GLI3: variants seen among roughly 807,000 people sequenced by gnomAD.
GLI3 encodes GLI family zinc finger 3, also known as transcription activator GLI3.
In GLI3, 20 loss-of-function variants were observed where a neutral mutation model predicts 100.8. The ratio of observed to expected loss-of-function variants is 0.20; its 90% CI spans 0.14 to 0.29. GLI3 has a LOEUF of 0.29. Ranked by LOEUF, GLI3 falls within the 10% of genes least tolerant of loss-of-function variation. The pLI is 1.00. For synonymous variants in GLI3, 938 were observed against 860.5 expected, an observed-to-expected ratio of 1.09 and a Z score of -1.58; for missense variants, 2,040 against 2,128.5, an observed-to-expected ratio of 0.96 and a Z score of 0.82.
chr7:42,169,539 A>C (rs576319502), intron 2 of GLI3, among the ~76,000 whole-genome samples: 1 of 152,370 alleles, frequency 6.6e-6, no homozygotes, highest in African/African-American at 2.4e-5. Flanking sequence ...ACATATACAT[A>C]CACCAATTTG....
chr7:41,965,978 G>C lies in GLI3; in HGVS notation c.3095C>G (p.Pro1032Arg), dbSNP rs1366246170. Residue 1032 changes from proline to arginine, a missense_variant, in exon 15 of 15, where the codon CCC (proline) becomes CGC (arginine). Physicochemically the swap from Pro to Arg is moderately radical, Grantham distance 103. Transcript: ENST00000395925. ...CTCCGCGGACGTGGCCATCGCCGGG[G>C]GGTTGCAGCTGCTGAGGCTGCTGAA... The part of the protein sequence containing the change: ...PRFSSLSSCN[P>R]PAMATSAEKR... 1 of 1,607,224 alleles carries C rather than the reference G, an allele frequency of 6.2e-7. No homozygotes were observed. The highest frequency in any genetic ancestry group is 8.5e-7 in the Non-Finnish European group (1 of 1,179,524).
At position 41,964,124 on chromosome 7, in the gene GLI3, G is replaced by T; in HGVS notation, c.*206C>A. Reference sequence around the variant, plus strand: ...AGTGTAACAATACTGATTCAAAACTGAAATGGAAGACAGTTTCTCCCTAGA... The same window carrying T: ...AGTGTAACAATACTGATTCAAAACTTAAATGGAAGACAGTTTCTCCCTAGA... On this transcript the variant is annotated 3_prime_UTR_variant, in exon 15 of 15. Transcript: ENST00000395925. The T allele has an allele frequency of 6.3e-6, 3 of 478,452 alleles. No individual in the cohort carries two copies. Among genetic ancestry groups the T allele is most frequent in the South Asian group, 2.3e-5 (1 of 44,154 alleles). The allele number at this position is 478,452 out of a possible 1,614,324, so 29.6% of individuals were successfully genotyped here.
upstream of GLI3, among the ~76,000 whole-genome samples, chr7:42,240,191 A>C (rs973646978): frequency 6.6e-6 from 1 of 152,216 alleles, no homozygotes; most frequent in Non-Finnish European, 1.5e-5. Flanking sequence ...AAATTCTATC[A>C]TAGATTGACT....
chr7:42,194,173 C>G (rs1228973397), intron 2 of GLI3, among the ~76,000 whole-genome samples: 6 of 152,184 alleles, frequency 3.9e-5, no homozygotes, highest in East Asian at 3.9e-4. Flanking sequence ...CAGCTCACAC[C>G]AACTCTATTT....
intron 2 of GLI3, among the ~76,000 whole-genome samples, chr7:42,216,123 A>G (rs933117433): frequency 6.6e-6 from 1 of 152,222 alleles, no homozygotes; most frequent in African/African-American, 2.4e-5. Flanking sequence ...TGGTAGGGAT[A>G]GGGCTCAAAC....
At chr7:42,172,758 A>T in intron 2 of GLI3, 1 of 631,306 alleles carries the variant, frequency 1.6e-6, no homozygotes, top group South Asian at 1.8e-5. Flanking sequence ...ACATTTCATT[A>T]CTTGGCTATT....
Position 42,148,421 on chromosome 7 carries a change from T to C in GLI3, c.172A>G (p.Ile58Val), listed in dbSNP as rs1554333936. The C allele has an allele frequency of 6.2e-7, 1 of 1,613,996 alleles. No individual in the cohort carries two copies. Among genetic ancestry groups the C allele is most frequent in the African/African-American group, 1.3e-5 (1 of 75,066 alleles). The change falls in exon 3 of 15, where the codon ATC becomes GTC. Residue 58 changes from isoleucine (I) to valine (V), a missense_variant. This residue lies in a region of GLI3 where 603 missense variants were observed against 690.9 expected (regional missense o/e 0.87). Transcript: ENST00000395925. ...QTYHRERRNA[I>V]TMQPQNVQGL... The stretch of plus-strand genomic sequence containing the variant: ...TGGACATTCTGTGGCTGCATAGTGA[T>C]TGCGTTTCTTCTCTCTCTGTGATAA...
chr7:42,137,594 C>G (rs1230304977), intron 3 of GLI3, among the ~76,000 whole-genome samples: 2 of 152,184 alleles, frequency 1.3e-5, no homozygotes, highest in African/African-American at 4.8e-5. Flanking sequence ...TGACCTAAGG[C>G]ACAACATTCC....
At chr7:42,215,257 C>T (rs1236586427) in intron 2 of GLI3, among the ~76,000 whole-genome samples, 3 of 152,152 alleles carry the variant, frequency 2.0e-5, no homozygotes, top group African/African-American at 7.2e-5. Flanking sequence ...TAGAACGGCA[C>T]ACCACAAAGA....
At chr7:41,995,608 A>G (rs995947082) in intron 10 of GLI3, among the ~76,000 whole-genome samples, 23 of 152,140 alleles carry the variant, frequency 1.5e-4, no homozygotes, top group Admixed American at 7.2e-4. Context: ...TGGCAATTTC[A>G]AGGTCTAAAA....
At chr7:42,103,235 G>A (rs1030111063) in intron 3 of GLI3, among the ~76,000 whole-genome samples, 1 of 152,174 alleles carries the variant, frequency 6.6e-6, no homozygotes, top group African/African-American at 2.4e-5. Flanking sequence ...GGGCAAGAGA[G>A]CCACCTGAGT....
intron 1 of GLI3, among the ~76,000 whole-genome samples, chr7:42,235,765 T>C (rs972927115): frequency 2.0e-4 from 31 of 152,200 alleles, no homozygotes; most frequent in African/African-American, 6.0e-4. Context: ...AAGGGTTCTT[T>C]GACTTGGAGA....
chr7:41,968,391 T>C (rs1787245834), intron 13 of GLI3, among the ~76,000 whole-genome samples: 1 of 152,152 alleles, frequency 6.6e-6, no homozygotes, highest in South Asian at 2.1e-4. Context: ...TAATAGCAAT[T>C]GGTTCACAGG....
intron 4 of GLI3, among the ~76,000 whole-genome samples, chr7:42,076,370 C>T (rs1484442027): frequency 6.6e-6 from 1 of 152,182 alleles, no homozygotes; most frequent in Non-Finnish European, 1.5e-5. Context: ...TCCTTGTGAT[C>T]CCCAGAACAG....
intron 3 of GLI3, among the ~76,000 whole-genome samples, chr7:42,089,478 TG>T (rs1398787322): frequency 6.6e-6 from 1 of 152,218 alleles, no homozygotes; most frequent in Non-Finnish European, 1.5e-5. Flanking sequence ...AATATATACT[TG>T]TACAGAATTT....
At chr7:42,023,315 C>T (rs1030479154) in intron 10 of GLI3, among the ~76,000 whole-genome samples, 153 bp downstream of exon 10, 6 of 152,278 alleles carry the variant, frequency 3.9e-5, no homozygotes, top group Admixed American at 2.0e-4. Flanking sequence ...ACCGTGGCTC[C>T]GAGTTTTCTT....
chr7:41,965,779 C>T lies in GLI3; in HGVS notation c.3294G>A (p.Gln1098=). The T allele has an allele frequency of 1.9e-6, 3 of 1,613,484 alleles. No homozygotes were observed. Among genetic ancestry groups the T allele is most frequent in the Non-Finnish European group, 1.7e-6 (2 of 1,179,970 alleles). ...DEDFLPDDVV[Q]YLNSQNQAGY... Reference sequence around the variant, plus strand: ...CTGCTTGGTTCTGGGAATTTAAATACTGCACCACGTCGTCCGGCAGGAAAT... The same window carrying T: ...CTGCTTGGTTCTGGGAATTTAAATATTGCACCACGTCGTCCGGCAGGAAAT... The change falls in exon 15 of 15, where the codon CAG becomes CAA. Residue 1098 remains glutamine (Q), a synonymous_variant. Coordinates refer to ENST00000395925, the MANE Select transcript of GLI3 (RefSeq NM_000168.6).
intron 1 of GLI3, among the ~76,000 whole-genome samples, chr7:42,263,054 C>T (rs1044456586): frequency 6.6e-6 from 1 of 152,106 alleles, no homozygotes; most frequent in Non-Finnish European, 1.5e-5. Context: ...TGTAATTATC[C>T]GAGGCATACA....
intron 10 of GLI3, among the ~76,000 whole-genome samples, chr7:42,020,995 A>G (rs962383589): frequency 2.0e-5 from 3 of 152,172 alleles, no homozygotes; most frequent in African/African-American, 7.2e-5. Context: ...CCTTCAATCA[A>G]CATAATACAA....
Sources: allele counts gnomAD v4.1 joint callset (sites outside exome capture counted in the v4.1 genomes callset), GRCh38; gene constraint gnomAD v4.1.1; regional missense constraint gnomAD v4.1.1; transcripts MANE v1.5; gene names NCBI Gene and HGNC (gene_info 2026-07-23, HGNC 2026-07-21).